Variants in TMEM132D observed in about 807,000 individuals in gnomAD.
TMEM132D encodes transmembrane protein 132D, also known as mature OL transmembrane protein.
A neutral mutation model predicts 62.3 loss-of-function variants in TMEM132D; 21 were observed. The observed-to-expected ratio is 0.34, with a 90% CI of 0.24 to 0.49. The LOEUF is 0.49. TMEM132D is among the 20% of genes least tolerant of loss of function. TMEM132D has a pLI of 0.99. For synonymous variants in TMEM132D, 621 were observed against 575.6 expected, an observed-to-expected ratio of 1.08 and a Z score of -1.13; for missense variants, 1,346 against 1,402.8, an observed-to-expected ratio of 0.96 and a Z score of 0.65.
intron 4 of TMEM132D, among the ~76,000 whole-genome samples, chr12:129,228,232 G>A (rs1879536664): frequency 6.6e-6 from 1 of 152,132 alleles, no homozygotes; most frequent in East Asian, 1.9e-4. Flanking sequence ...ATCCGGTGGG[G>A]AGTGGTGCGG....
intron 5 of TMEM132D, among the ~76,000 whole-genome samples, chr12:129,201,346 A>G (rs939715143): frequency 2.0e-5 from 3 of 152,140 alleles, no homozygotes; most frequent in Non-Finnish European, 4.4e-5. Context: ...GGTTCTTACA[A>G]TGTCCCCAAC....
At chr12:129,075,705 G>T (rs934134401) in intron 8 of TMEM132D, among the ~76,000 whole-genome samples, 2 of 152,186 alleles carry the variant, frequency 1.3e-5, no homozygotes, top group African/African-American at 4.8e-5. Flanking sequence ...CTTGATTGGA[G>T]AGTCTTCATC....
rs769758987 is a variant in TMEM132D, at chr12:129,074,995, T to C, written c.2180A>G (p.Asp727Gly). 2 of 1,613,672 alleles carry C rather than the reference T, an allele frequency of 1.2e-6. No homozygotes were observed. Among genetic ancestry groups the C allele is most frequent in the Non-Finnish European group, 1.7e-6 (2 of 1,180,016 alleles). The change falls in exon 9 of 9, where the codon GAT becomes GGT. Residue 727 changes from aspartate to glycine, a missense_variant. Coordinates refer to ENST00000422113, the MANE Select transcript of TMEM132D (RefSeq NM_133448.3). ...DGSVTPLDIY[D>G]GKDFSLMATS... is the part of the protein sequence containing the mutation. ...GGCCATCAAGGAGAAGTCTTTCCCATCGTAAATATCCAAGGGCGTGACTGA... is the reference window on the plus strand; with the variant it reads ...GGCCATCAAGGAGAAGTCTTTCCCACCGTAAATATCCAAGGGCGTGACTGA...
intron 1 of TMEM132D, among the ~76,000 whole-genome samples, chr12:129,831,695 A>G (rs1872837290): frequency 6.6e-6 from 1 of 152,134 alleles, no homozygotes; most frequent in Non-Finnish European, 1.5e-5. Context: ...CTGGATTCAG[A>G]GCCGACAGAC....
chr12:129,740,331 T>C (rs941550110), intron 1 of TMEM132D, among the ~76,000 whole-genome samples: 3 of 152,216 alleles, frequency 2.0e-5, no homozygotes, highest in African/African-American at 7.2e-5. Context: ...TTAAGAAACC[T>C]GTCTAAAATT....
chr12:129,711,916 C>T (rs914433645), intron 1 of TMEM132D, among the ~76,000 whole-genome samples: 1 of 151,076 alleles, frequency 6.6e-6, no homozygotes, highest in African/African-American at 2.4e-5. Flanking sequence ...ATCAAAGTCC[C>T]AGGGTTGTGC....
At chr12:129,899,499 T>C (rs536132883) in intron 1 of TMEM132D, among the ~76,000 whole-genome samples, 1 of 152,010 alleles carries the variant, frequency 6.6e-6, no homozygotes, top group Admixed American at 6.5e-5. Flanking sequence ...GATGGATGGA[T>C]GGACGGATGA....
intron 1 of TMEM132D, among the ~76,000 whole-genome samples, chr12:129,749,016 G>A (rs758758158): frequency 6.6e-6 from 1 of 152,316 alleles, no homozygotes; most frequent in African/African-American, 2.4e-5. Context: ...AGACAGATGA[G>A]GAGTGATCAC....
intron 4 of TMEM132D, among the ~76,000 whole-genome samples, chr12:129,286,535 A>G (rs1394498399): frequency 6.6e-6 from 1 of 152,200 alleles, no homozygotes; most frequent in Non-Finnish European, 1.5e-5. Flanking sequence ...TGCAGAAGTG[A>G]TAATGTTATG....
At chr12:129,794,098 A>AT (rs1469254653) in intron 1 of TMEM132D, among the ~76,000 whole-genome samples, 4 of 137,524 alleles carry the variant, frequency 2.9e-5, no homozygotes, top group Admixed American at 7.2e-5. Context: ...CTTTTTTTTA[A>AT]TTTTTTTTGA....
At chr12:129,105,267 A>T (rs1272943461) in intron 5 of TMEM132D, among the ~76,000 whole-genome samples, 1 of 146,024 alleles carries the variant, frequency 6.8e-6, no homozygotes, top group Non-Finnish European at 1.5e-5. Flanking sequence ...ATTGGAAATC[A>T]TCATTCTCAG....
chr12:129,576,905 G>C lies in TMEM132D; in HGVS notation c.969-45700C>G, dbSNP rs143414377. Among the ~76,000 whole-genome samples, 267 of 151,978 alleles carry C rather than the reference G, an allele frequency of 1.8e-3. 4 individuals are homozygous for C. The highest frequency in any genetic ancestry group is 6.0e-3 in the African/African-American group (246 of 41,282). On this transcript the variant is annotated intron_variant, in intron 2 of 8. Transcript: ENST00000422113. ...TTTCCAGCACTTTGCAGTATTTATCGATACTGTACGTTTGTGTCGTTTGTT... is the reference window on the plus strand; with the variant it reads ...TTTCCAGCACTTTGCAGTATTTATCCATACTGTACGTTTGTGTCGTTTGTT...
At chr12:129,853,667 C>T (rs759629251) in intron 1 of TMEM132D, 1 of 152,142 alleles carries the variant, frequency 6.6e-6, no homozygotes, top group Non-Finnish European at 1.5e-5. Flanking sequence ...ATTTGTAGGG[C>T]CAACGTGCTC....
intron 4 of TMEM132D, among the ~76,000 whole-genome samples, chr12:129,232,021 T>C (rs1250757273): frequency 6.6e-6 from 1 of 152,184 alleles, no homozygotes; most frequent in Non-Finnish European, 1.5e-5. Context: ...CAGGTAATTC[T>C]CACTCAGTGG....
chr12:129,153,234 GA>G (rs1278177605), intron 5 of TMEM132D, among the ~76,000 whole-genome samples: 2 of 152,124 alleles, frequency 1.3e-5, no homozygotes, highest in African/African-American at 4.8e-5. Flanking sequence ...ACACTGGGAG[GA>G]AAGGAGTCAG....
chr12:129,103,745 C>T (rs1309347476), intron 5 of TMEM132D, among the ~76,000 whole-genome samples: 1 of 152,274 alleles, frequency 6.6e-6, no homozygotes, highest in Admixed American at 6.5e-5. Flanking sequence ...TATACACCAA[C>T]AACAGACAAA....
intron 5 of TMEM132D, among the ~76,000 whole-genome samples, chr12:129,183,867 C>T (rs1430163449): frequency 5.3e-5 from 8 of 151,102 alleles, no homozygotes; most frequent in Non-Finnish European, 7.4e-5. Context: ...GGGGCATGGA[C>T]GATTCTTTGG....
At chr12:129,417,643 A>G (rs911541129) in intron 3 of TMEM132D, among the ~76,000 whole-genome samples, 1 of 152,228 alleles carries the variant, frequency 6.6e-6, no homozygotes, top group African/African-American at 2.4e-5. Context: ...AGGCATGGGC[A>G]AAGACTTAAC....
intron 5 of TMEM132D, chr12:129,110,912 C>A: frequency 6.6e-6 from 1 of 152,464 alleles, no homozygotes; most frequent in Non-Finnish European, 1.5e-5. Flanking sequence ...AAGTCAGAGG[C>A]AATACAGGAG....
Sources: allele counts gnomAD v4.1 joint callset (sites outside exome capture counted in the v4.1 genomes callset), GRCh38; gene constraint gnomAD v4.1.1; transcripts MANE v1.5; gene names NCBI Gene and HGNC (gene_info 2026-07-23, HGNC 2026-07-21).